The following CTNNA2 variants were observed in gnomAD, a reference collection of about 807,000 sequenced individuals.
CTNNA2 encodes the protein catenin alpha 2, also known as catenin alpha-2.
CTNNA2 carries 42 observed loss-of-function variants against 101.0 expected under a neutral mutation model. The ratio of observed to expected loss-of-function variants is 0.42; its 90% CI spans 0.32 to 0.54. The LOEUF (loss-of-function observed/expected upper bound fraction) is 0.54. Among genes scored for constraint, CTNNA2 ranks in the 20% least tolerant of loss-of-function variants. CTNNA2 has a pLI of 0.14. For missense variants in CTNNA2, 871 were observed against 1,223.1 expected (o/e 0.71, Z 4.29); for synonymous variants, 450 against 456.4 (o/e 0.99, Z 0.18).
intron 2 of CTNNA2, among the ~76,000 whole-genome samples, chr2:79,214,824 A>G (rs79159313): frequency 0.016 from 2,364 of 151,472 alleles, 88 homozygotes; most frequent in East Asian, 0.13. Flanking sequence ...TAAGTAAAAA[A>G]GAGTGCATAA....
chr2:80,054,554 G>A (rs986866184), intron 7 of CTNNA2, among the ~76,000 whole-genome samples: 6 of 152,178 alleles, frequency 3.9e-5, no homozygotes, highest in African/African-American at 1.4e-4. Flanking sequence ...GCAGGGGTAG[G>A]ATGAATATGT....
chr2:80,180,899 A>T (rs1705736565), intron 7 of CTNNA2, among the ~76,000 whole-genome samples: 1 of 152,116 alleles, frequency 6.6e-6, no homozygotes, highest in Admixed American at 6.5e-5. Flanking sequence ...CCATTTTTTT[A>T]ACTCTCCAAG....
At chr2:80,639,414 TG>T (rs890474533) in intron 18 of CTNNA2, among the ~76,000 whole-genome samples, 68 of 152,150 alleles carry the variant, frequency 4.5e-4, no homozygotes, top group African/African-American at 1.4e-3. Flanking sequence ...TTCACCATGT[TG>T]GCCAGACTGG....
At chr2:80,453,816 C>T (rs1305647898) in intron 9 of CTNNA2, among the ~76,000 whole-genome samples, 1 of 152,120 alleles carries the variant, frequency 6.6e-6, no homozygotes, top group Non-Finnish European at 1.5e-5. Flanking sequence ...ATTCTCCACC[C>T]CCGTGTTTTT....
intron 3 of CTNNA2, among the ~76,000 whole-genome samples, chr2:79,806,418 T>A (rs543259363): frequency 6.6e-6 from 1 of 152,126 alleles, no homozygotes; most frequent in Non-Finnish European, 1.5e-5. Context: ...TACAGTGTTA[T>A]GAATAAAATA....
At chr2:79,603,662 G>A (rs550296314) in intron 1 of CTNNA2, among the ~76,000 whole-genome samples, 23 of 152,236 alleles carry the variant, frequency 1.5e-4, no homozygotes, top group South Asian at 6.2e-4. Flanking sequence ...TAATTAGAGC[G>A]TCATACGTAT....
chr2:80,149,917 C>T (rs761637449), intron 7 of CTNNA2, among the ~76,000 whole-genome samples: 1 of 152,062 alleles, frequency 6.6e-6, no homozygotes, highest in African/African-American at 2.4e-5. Flanking sequence ...ACACAAAAAA[C>T]ACATGCCTGA....
chr2:79,736,085 A>T lies in CTNNA2; in HGVS notation c.103-8302A>T, dbSNP rs548369907. On this transcript the variant is annotated intron_variant, in intron 2 of 18. Transcript: ENST00000402739. ...AGTTTCTATTGTAGTAGTTTCTGTG[A>T]AAGTTTTATCTTAGTTTTTAATGAA... 5.9e-5 allele frequency among the ~76,000 whole-genome samples: 9 copies of T among 152,276 alleles called. No individual in the cohort carries two copies. The South Asian group carries it at 1.9e-3, about 32-fold the overall frequency.
chr2:80,519,183 T>C (rs1415007359), intron 9 of CTNNA2, among the ~76,000 whole-genome samples: 1 of 152,080 alleles, frequency 6.6e-6, no homozygotes, highest in Non-Finnish European at 1.5e-5. Context: ...AAGGAGCATC[T>C]GAGATAGAAA....
intron 9 of CTNNA2, among the ~76,000 whole-genome samples, chr2:80,424,374 T>C (rs993366307): frequency 7.9e-5 from 12 of 152,254 alleles, no homozygotes; most frequent in Non-Finnish European, 1.5e-5. Context: ...TGAACTATTA[T>C]GGGACTCTAT....
chr2:79,413,583 G>A (rs141045136), intron 4 of CTNNA2, among the ~76,000 whole-genome samples: 1 of 152,140 alleles, frequency 6.6e-6, no homozygotes, highest in East Asian at 1.9e-4. Flanking sequence ...ATACCTAGAA[G>A]TGGAATTGCT....
intron 6 of CTNNA2, among the ~76,000 whole-genome samples, chr2:79,882,436 C>T (rs1346825704): frequency 6.6e-6 from 1 of 152,170 alleles, no homozygotes; most frequent in Admixed American, 6.5e-5. Flanking sequence ...GCAGGGAAGC[C>T]CCACCCAATG....
intron 1 of CTNNA2, among the ~76,000 whole-genome samples, chr2:79,622,110 A>T (rs1679035044): frequency 6.6e-6 from 1 of 152,196 alleles, no homozygotes; most frequent in African/African-American, 2.4e-5. Context: ...TACTTTAGTT[A>T]AAACAACAAA....
chr2:79,842,157 T>C (rs537836046), intron 3 of CTNNA2, among the ~76,000 whole-genome samples: 8 of 152,336 alleles, frequency 5.3e-5, no homozygotes, highest in Admixed American at 4.6e-4. Context: ...CATTTGGCAT[T>C]GGTGTTTTAA....
chr2:80,544,129 T>C (rs1368061311), intron 9 of CTNNA2, among the ~76,000 whole-genome samples: 1 of 152,038 alleles, frequency 6.6e-6, no homozygotes, highest in Non-Finnish European at 1.5e-5. Flanking sequence ...GTCCAGCTGT[T>C]TGGGGTAGCA....
intron 7 of CTNNA2, among the ~76,000 whole-genome samples, chr2:80,074,346 T>C (rs1698544677): frequency 6.6e-6 from 1 of 152,174 alleles, no homozygotes. Flanking sequence ...CAAATCACCG[T>C]GACACAAAAC....
intron 7 of CTNNA2, among the ~76,000 whole-genome samples, chr2:79,978,321 C>A (rs1691015892): frequency 1.3e-5 from 2 of 152,136 alleles, no homozygotes; most frequent in African/African-American, 2.4e-5. Context: ...ACATCGGCCA[C>A]CCTTCCCATT....
In CTNNA2 at chr2:79,218,353, T is replaced by TGTGTA. The variant is rs1305328019; in HGVS notation, c.-406+20277_-406+20278insGTGTA. The stretch of plus-strand genomic sequence containing the variant: ...TGTGTGTGTGTGTGTGTGTGTGTAT[T>TGTGTA]TTTTTTTTTTTTAGAGACAGGATCT... On this transcript the variant is annotated intron_variant, in intron 2 of 21. Transcript: ENST00000466387. Among the ~76,000 whole-genome samples, 10 of 30,208 alleles carry TGTGTA rather than the reference T, an allele frequency of 3.3e-4. No individual in the cohort carries two copies. The South Asian group carries it at 5.0e-3, about 15-fold the overall frequency. The allele number at this position is 30,208 out of a possible 152,430, so 19.8% of individuals were successfully genotyped here.
chr2:79,745,089 T>C (rs1449577349), intron 3 of CTNNA2, among the ~76,000 whole-genome samples: 3 of 152,170 alleles, frequency 2.0e-5, no homozygotes, highest in African/African-American at 7.2e-5. Context: ...TATAATACTG[T>C]TGATTTAGCA....
Sources: allele counts gnomAD v4.1 joint callset (sites outside exome capture counted in the v4.1 genomes callset), GRCh38; gene constraint gnomAD v4.1.1; transcripts MANE v1.5; gene names NCBI Gene and HGNC (gene_info 2026-07-23, HGNC 2026-07-21).